OPCML: variants seen among roughly 807,000 people sequenced by gnomAD.
The protein encoded by OPCML is opioid-binding protein/cell adhesion molecule.
OPCML carries 13 observed loss-of-function variants against 37.8 expected under a neutral mutation model. That is an observed-to-expected ratio of 0.34 (90% CI 0.22 to 0.55). The LOEUF (loss-of-function observed/expected upper bound fraction) is 0.55. Among genes scored for constraint, OPCML ranks in the 20% least tolerant of loss-of-function variants. The pLI is 0.91. For synonymous variants in OPCML, 176 were observed against 168.8 expected (o/e 1.04, Z -0.33); for missense variants, 341 against 435.6 (o/e 0.78, Z 1.93).
chr11:133,153,205 C>T (rs974963673), intron 1 of OPCML, among the ~76,000 whole-genome samples: 3 of 152,102 alleles, frequency 2.0e-5, no homozygotes, highest in East Asian at 1.9e-4. Context: ...GAGCCTGCCC[C>T]GCAGCCAGAT....
intron 1 of OPCML, among the ~76,000 whole-genome samples, chr11:133,443,446 G>A (rs1445563943): frequency 6.6e-6 from 1 of 152,186 alleles, no homozygotes; most frequent in Non-Finnish European, 1.5e-5. Context: ...TCCACCAACA[G>A]ATGCAGAGAT....
intron 2 of OPCML, among the ~76,000 whole-genome samples, chr11:132,834,849 C>T (rs1170481591): frequency 6.6e-6 from 1 of 152,078 alleles, no homozygotes; most frequent in African/African-American, 2.4e-5. Flanking sequence ...ACCTTGGTAG[C>T]TGAAACATTT....
chr11:132,564,895 C>T (rs1045718803), intron 3 of OPCML, among the ~76,000 whole-genome samples: 3 of 152,142 alleles, frequency 2.0e-5, no homozygotes, highest in African/African-American at 7.2e-5. Flanking sequence ...ACTCTTGCCT[C>T]CTCATCTTAT....
intron 3 of OPCML, among the ~76,000 whole-genome samples, chr11:132,569,865 G>A (rs190343316): frequency 1.4e-3 from 210 of 151,648 alleles, no homozygotes; most frequent in African/African-American, 4.9e-3. Flanking sequence ...AATTAAGAGG[G>A]AGGATAAAAT....
At chr11:132,640,358 A>C (rs1940779942) in intron 3 of OPCML, among the ~76,000 whole-genome samples, 1 of 152,094 alleles carries the variant, frequency 6.6e-6, no homozygotes, top group South Asian at 2.1e-4. Context: ...CTAAATCAAG[A>C]ATTTACTTAG....
At chr11:133,166,832 T>C (rs1349177898) in intron 1 of OPCML, among the ~76,000 whole-genome samples, 1 of 152,230 alleles carries the variant, frequency 6.6e-6, no homozygotes, top group Non-Finnish European at 1.5e-5. Context: ...TGGGGAGCAT[T>C]AGAACCTCTT....
At chr11:132,467,237 C>G (rs902805181) in intron 4 of OPCML, among the ~76,000 whole-genome samples, 5 of 152,218 alleles carry the variant, frequency 3.3e-5, no homozygotes, top group Non-Finnish European at 5.9e-5. Flanking sequence ...AGTCCCTGTG[C>G]AGCCCTGCTC....
intron 1 of OPCML, among the ~76,000 whole-genome samples, chr11:133,385,008 C>A (rs1466348465): frequency 2.0e-5 from 3 of 152,186 alleles, no homozygotes; most frequent in Non-Finnish European, 2.9e-5. Context: ...GGGTGCCACA[C>A]CCTTGTGGAA....
At chr11:132,991,756 G>A (rs988310675) in intron 1 of OPCML, among the ~76,000 whole-genome samples, 4 of 152,136 alleles carry the variant, frequency 2.6e-5, no homozygotes, top group African/African-American at 9.7e-5. Flanking sequence ...TTTGCTGGGT[G>A]GGAAATGTGG....
chr11:133,515,553 A>G lies in OPCML; in HGVS notation c.61+16711T>C, dbSNP rs529907543. Among the ~76,000 whole-genome samples, 9 of 152,324 alleles carry G rather than the reference A, an allele frequency of 5.9e-5. No individual in the cohort carries two copies. In the East Asian group the frequency reaches 1.7e-3, roughly 29 times the overall value. On this transcript the variant is annotated intron_variant, in intron 1 of 7. Transcript: ENST00000524381. ...AAATCAAGTTCGAGAAGCTAATACA[A>G]AACCATAACAATCAAGAACAGGAAC...
At chr11:132,531,755 C>CAT (rs1565642293) in intron 3 of OPCML, among the ~76,000 whole-genome samples, 2 of 88,958 alleles carry the variant, frequency 2.2e-5, no homozygotes, top group Admixed American at 2.2e-4. Flanking sequence ...ATGTTCTACC[C>CAT]GTTTTTTTTT....
At chr11:133,091,599 C>T (rs146256662) in intron 1 of OPCML, among the ~76,000 whole-genome samples, 22 of 152,312 alleles carry the variant, frequency 1.4e-4, no homozygotes, top group African/African-American at 5.3e-4. Flanking sequence ...GATTTAATGT[C>T]GTTTGCCCTA....
intron 1 of OPCML, among the ~76,000 whole-genome samples, chr11:133,129,010 C>T (rs1212755589): frequency 2.0e-5 from 3 of 152,202 alleles, no homozygotes; most frequent in Non-Finnish European, 2.9e-5. Context: ...GACAGAGGTC[C>T]GCGAGAGCTG....
chr11:132,814,808 G>T (rs926379056), intron 2 of OPCML, among the ~76,000 whole-genome samples: 1 of 152,100 alleles, frequency 6.6e-6, no homozygotes, highest in African/African-American at 2.4e-5. Context: ...TCAGACTTCA[G>T]ACTCCAATGA....
intron 1 of OPCML, among the ~76,000 whole-genome samples, chr11:133,237,040 C>T (rs1218461152): frequency 1.3e-5 from 2 of 152,202 alleles, no homozygotes; most frequent in Non-Finnish European, 2.9e-5. Context: ...TGTTTCTTTA[C>T]AGCACCGAGG....
chr11:132,907,704 T>C (rs1944292617), intron 2 of OPCML, among the ~76,000 whole-genome samples: 1 of 152,110 alleles, frequency 6.6e-6, no homozygotes, highest in Non-Finnish European at 1.5e-5. Flanking sequence ...ACATGATCCC[T>C]TCAAATGACC....
chr11:133,272,433 G>A (rs1389879652), intron 1 of OPCML, among the ~76,000 whole-genome samples: 2 of 152,104 alleles, frequency 1.3e-5, no homozygotes, highest in African/African-American at 4.8e-5. Context: ...ATATTATGAG[G>A]CATATATCAG....
At chr11:132,869,834 T>C (rs1942725771) in intron 2 of OPCML, among the ~76,000 whole-genome samples, 2 of 152,212 alleles carry the variant, frequency 1.3e-5, no homozygotes, top group South Asian at 2.1e-4. Context: ...TATTAGGCTG[T>C]ACTGGCAGGT....
At chr11:132,835,813 G>A (rs1327786480) in intron 2 of OPCML, among the ~76,000 whole-genome samples, 1 of 152,028 alleles carries the variant, frequency 6.6e-6, no homozygotes, top group Non-Finnish European at 1.5e-5. Flanking sequence ...TCTCTTTGAT[G>A]GTGACACCAC....
Sources: allele counts gnomAD v4.1 joint callset (sites outside exome capture counted in the v4.1 genomes callset), GRCh38; gene constraint gnomAD v4.1.1; transcripts MANE v1.5; gene names NCBI Gene and HGNC (gene_info 2026-07-23, HGNC 2026-07-21).